Variants in TBC1D19 observed in about 807,000 individuals in gnomAD.
TBC1D19 encodes the protein TBC1 domain family member 19, also known as TBC1 domain family, member 19.
A neutral mutation model predicts 89.0 loss-of-function variants in TBC1D19; 60 were observed. That is an observed-to-expected ratio of 0.67 (90% CI 0.55 to 0.84). TBC1D19 has a LOEUF of 0.84. TBC1D19 is among the 40% of genes least tolerant of loss of function. The pLI, the probability that TBC1D19 is intolerant of heterozygous loss-of-function variation, is 0.00. For missense variants in TBC1D19, 500 were observed against 610.8 expected, an observed-to-expected ratio of 0.82 and a Z score of 1.91; for synonymous variants, 189 against 199.7, an observed-to-expected ratio of 0.95 and a Z score of 0.45.
At chr4:26,675,968 C>T (rs904812612) in intron 11 of TBC1D19, among the ~76,000 whole-genome samples, 4 of 151,994 alleles carry the variant, frequency 2.6e-5, no homozygotes, top group African/African-American at 4.8e-5. Context: ...TCCTTTTCTA[C>T]GCATTTCTAG....
chr4:26,600,358 G>T (rs953898716), intron 1 of TBC1D19, among the ~76,000 whole-genome samples: 1 of 152,164 alleles, frequency 6.6e-6, no homozygotes, highest in African/African-American at 2.4e-5. Context: ...ATGAATAATG[G>T]TGTACAGGAT....
chr4:26,717,840 G>A, intron 13 of TBC1D19, 93 bp from the exon 14 acceptor site: 1 of 1,014,114 alleles, frequency 9.9e-7, no homozygotes. Context: ...CACGGTACTT[G>A]AACTTGAAGG....
intron 7 of TBC1D19, among the ~76,000 whole-genome samples, chr4:26,650,580 T>C (rs551744660): frequency 6.6e-6 from 1 of 152,240 alleles, no homozygotes; most frequent in East Asian, 1.9e-4. Context: ...TTCTTGTAAA[T>C]TTATTTGAGT....
At chr4:26,783,937 A>T in the TBC1D19 span, among the ~76,000 whole-genome samples, 1 of 152,120 alleles carries the variant, frequency 6.6e-6, no homozygotes, top group Admixed American at 6.5e-5. Context: ...AACATTGGGA[A>T]TGGTCCAGAG....
chr4:26,607,086 G>A (rs769666190), intron 1 of TBC1D19, among the ~76,000 whole-genome samples: 1 of 152,184 alleles, frequency 6.6e-6, no homozygotes, highest in Non-Finnish European at 1.5e-5. Flanking sequence ...TTCTAGGAGT[G>A]CAGAAGGGTG....
At chr4:26,792,454 C>T in the TBC1D19 span, among the ~76,000 whole-genome samples, 1 of 152,136 alleles carries the variant, frequency 6.6e-6, no homozygotes, top group Non-Finnish European at 1.5e-5. Flanking sequence ...CAAATTTAGA[C>T]ACCACTTTTT....
intron 15 of TBC1D19, among the ~76,000 whole-genome samples, chr4:26,730,131 T>C (rs1399775229): frequency 6.6e-6 from 1 of 152,048 alleles, no homozygotes; most frequent in East Asian, 1.9e-4. Context: ...CATGGCAGTA[T>C]GGAAGGAAAT....
Position 26,688,401 on chromosome 4 carries a change from A to G in TBC1D19, c.948A>G (p.Leu316=), listed in dbSNP as rs1337853982. Residue 316 remains leucine, a synonymous_variant, in exon 13 of 21, where the codon TTA becomes TTG. Coordinates refer to ENST00000264866, the MANE Select transcript of TBC1D19 (RefSeq NM_018317.4). ...ATTATTTTGTATTTGAAGATTATTT[A>G]TATCAGGTAAGTTTAAAAATAAAAA... ...DDYYFVFEDY[L]YQVLLCFSRD... is the part of the protein sequence containing the mutation. 6.4e-7 allele frequency: 1 copy of G among 1,561,492 alleles called. No individual in the cohort carries two copies. Among genetic ancestry groups the G allele is most frequent in the Non-Finnish European group, 8.7e-7 (1 of 1,149,614 alleles).
At chr4:26,584,730 C>T (rs959379049) in intron 1 of TBC1D19, among the ~76,000 whole-genome samples, 7 of 152,166 alleles carry the variant, frequency 4.6e-5, no homozygotes, top group Admixed American at 2.6e-4. Context: ...TCTGCTTTCT[C>T]GTCAATGTAT....
At chr4:26,683,951 C>T (rs1449006060) in intron 12 of TBC1D19, among the ~76,000 whole-genome samples, 1 of 152,064 alleles carries the variant, frequency 6.6e-6, no homozygotes, top group East Asian at 1.9e-4. Context: ...CCCTTTGAAG[C>T]TGTCTTCATG....
At chr4:26,747,017 T>C (rs1578014244) in intron 18 of TBC1D19, among the ~76,000 whole-genome samples, 1 of 152,194 alleles carries the variant, frequency 6.6e-6, no homozygotes, top group Non-Finnish European at 1.5e-5. Flanking sequence ...ACCAGGCTAC[T>C]CAAAACAGCA....
intron 7 of TBC1D19, among the ~76,000 whole-genome samples, chr4:26,647,468 T>G (rs952530182): frequency 1.3e-5 from 2 of 152,206 alleles, no homozygotes; most frequent in Admixed American, 1.3e-4. Context: ...CACTGCTATA[T>G]CCAAGCTTCC....
At chr4:26,728,675 A>AT (rs1717467579) in intron 15 of TBC1D19, among the ~76,000 whole-genome samples, 2 of 152,136 alleles carry the variant, frequency 1.3e-5, no homozygotes, top group East Asian at 3.9e-4. Flanking sequence ...CTGGTTTTTA[A>AT]TTTTTTTAGT....
At chr4:26,649,796 A>T (rs181330779) in intron 7 of TBC1D19, among the ~76,000 whole-genome samples, 19 of 151,856 alleles carry the variant, frequency 1.3e-4, no homozygotes, top group Admixed American at 3.9e-4. Flanking sequence ...TGTGCCATGT[A>T]GGTGTGCTGC....
At chr4:26,610,128 G>C (rs1414975594) in intron 1 of TBC1D19, among the ~76,000 whole-genome samples, 1 of 152,062 alleles carries the variant, frequency 6.6e-6, no homozygotes, top group Non-Finnish European at 1.5e-5. Context: ...AGAAAGACTT[G>C]TCTTAGACTA....
chr4:26,816,359 CAATCATTGGGT>C, the TBC1D19 span, among the ~76,000 whole-genome samples: 1 of 152,102 alleles, frequency 6.6e-6, no homozygotes, highest in South Asian at 2.1e-4. Context: ...AAAAGAAGTC[CAATCATTGGGT>C]AACCCATTGT....
At chr4:26,766,049 GTGTT>G in the TBC1D19 span, among the ~76,000 whole-genome samples, 4 of 152,154 alleles carry the variant, frequency 2.6e-5, no homozygotes, top group African/African-American at 4.8e-5. Context: ...GGTGGGGAGA[GTGTT>G]TGTGAAAGAC....
intron 1 of TBC1D19, among the ~76,000 whole-genome samples, chr4:26,611,139 C>T (rs1008418715): frequency 2.6e-5 from 4 of 152,094 alleles, no homozygotes; most frequent in Non-Finnish European, 4.4e-5. Context: ...TGAAGCCATT[C>T]TGACTGGTGT....
chr4:26,840,052 ATTC>A, the TBC1D19 span, among the ~76,000 whole-genome samples: 1 of 151,736 alleles, frequency 6.6e-6, no homozygotes, highest in Non-Finnish European at 1.5e-5. Context: ...AATGTTTATA[ATTC>A]TTCTTTCTTT....
Sources: gnomAD v4.1 joint callset for allele counts (sites outside exome capture counted in the v4.1 genomes callset) on GRCh38, gnomAD v4.1.1 for gene constraint, MANE v1.5 for transcripts, NCBI Gene and HGNC (gene_info 2026-07-23, HGNC 2026-07-21) for gene names.